The following MED27 variants were observed in gnomAD, a reference collection of about 807,000 sequenced individuals.
MED27 encodes the protein mediator of RNA polymerase II transcription subunit 27.
Under a neutral mutation model 38.2 loss-of-function variants are expected in MED27, and 30 were observed. The observed-to-expected ratio is 0.79, with a 90% CI of 0.59 to 1.07. The LOEUF is 1.07. MED27 is among the 50% of genes least tolerant of loss of function. The pLI is 0.00. For missense variants in MED27, 289 were observed against 397.5 expected, an observed-to-expected ratio of 0.73 and a Z score of 2.32; for synonymous variants, 122 against 153.5, an observed-to-expected ratio of 0.79 and a Z score of 1.52.
At chr9:131,954,462 C>T (rs1206718652) in intron 3 of MED27, among the ~76,000 whole-genome samples, 2 of 152,160 alleles carry the variant, frequency 1.3e-5, no homozygotes, top group African/African-American at 2.4e-5. Context: ...TGGATTGATG[C>T]TTGCAATGCC....
At chr9:132,067,954 C>T (rs1013241945) in intron 2 of MED27, among the ~76,000 whole-genome samples, 12 of 152,132 alleles carry the variant, frequency 7.9e-5, no homozygotes, top group South Asian at 2.1e-4. Context: ...CCTCGTGATC[C>T]GCCCACCTCG....
At chr9:132,036,039 T>G (rs535863566) in intron 2 of MED27, among the ~76,000 whole-genome samples, 1 of 152,086 alleles carries the variant, frequency 6.6e-6, no homozygotes, top group African/African-American at 2.4e-5. Context: ...AATCCCATTC[T>G]GGTGCTGGGT....
chr9:132,054,007 T>C (rs896795130), intron 2 of MED27, among the ~76,000 whole-genome samples: 2 of 151,130 alleles, frequency 1.3e-5, no homozygotes, highest in African/African-American at 4.9e-5. Flanking sequence ...AAAAAAAAAA[T>C]CTGCTTAAAA....
chr9:132,006,741 T>A (rs1386532729), intron 3 of MED27, among the ~76,000 whole-genome samples: 1 of 152,070 alleles, frequency 6.6e-6, no homozygotes, highest in Non-Finnish European at 1.5e-5. Context: ...AAGAGACTTG[T>A]TTAATGAGCT....
intron 3 of MED27, among the ~76,000 whole-genome samples, chr9:131,948,512 A>C (rs1388305624): frequency 1.3e-5 from 2 of 152,022 alleles, no homozygotes; most frequent in African/African-American, 4.8e-5. Context: ...CAAAAAAAAA[A>C]AACAAAAAAC....
At chr9:132,058,515 A>C (rs975605502) in intron 2 of MED27, among the ~76,000 whole-genome samples, 8 of 151,800 alleles carry the variant, frequency 5.3e-5, no homozygotes, top group African/African-American at 1.5e-4. Context: ...TTTGCTCAGC[A>C]CTTCTCTCTC....
At chr9:131,978,477 GT>G (rs910557555) in intron 3 of MED27, among the ~76,000 whole-genome samples, 3 of 152,120 alleles carry the variant, frequency 2.0e-5, no homozygotes, top group Non-Finnish European at 4.4e-5. Context: ...TAGTATTATG[GT>G]TTTGTTTCTT....
intron 3 of MED27, among the ~76,000 whole-genome samples, chr9:131,995,367 C>A (rs959249751): frequency 6.6e-6 from 1 of 151,984 alleles, no homozygotes; most frequent in Admixed American, 6.6e-5. Flanking sequence ...ACAGCATGGA[C>A]TTGCACTTAT....
chr9:131,904,554 T>C (rs1830018359), intron 4 of MED27, among the ~76,000 whole-genome samples: 1 of 151,352 alleles, frequency 6.6e-6, no homozygotes, highest in African/African-American at 2.4e-5. Flanking sequence ...GGGAGCGGTC[T>C]CACTATGTTG....
Position 131,889,940 on chromosome 9 carries a change from C to A in MED27, c.681+3945G>T, listed in dbSNP as rs762087904. 1.3e-5 allele frequency among the ~76,000 whole-genome samples: 2 copies of A among 152,150 alleles called. No homozygotes were observed. On this transcript the variant is annotated intron_variant, in intron 5 of 7. Coordinates refer to ENST00000292035, the MANE Select transcript of MED27 (RefSeq NM_004269.4). The surrounding 1 kb of genome is among the most constrained non-coding windows in gnomAD (Gnocchi z 4.2). ...AACTCAGCAAACGCAGGCTGCGTCC[C>A]GGGAGCAGCGACGTCTCCAGCAACA... is the stretch of plus-strand genomic sequence containing the variant.
chr9:131,883,733 T>C lies in MED27; in HGVS notation c.723+325A>G, dbSNP rs1338924048. ...ATATGACTGCCCCTTTGTAGTAATA[T>C]AGTCCTGAGTTTTGACAAACATGTA... is the stretch of plus-strand genomic sequence containing the variant. On this transcript the variant is annotated intron_variant, in intron 6 of 7. Coordinates refer to ENST00000292035, the MANE Select transcript of MED27 (RefSeq NM_004269.4). This position sits in a 1 kb window ranked among gnomAD's most constrained non-coding sequence, Gnocchi z 4.2. 6.6e-6 allele frequency among the ~76,000 whole-genome samples: 1 copy of C among 152,208 alleles called. No homozygotes were observed. Among genetic ancestry groups the C allele is most frequent in the Non-Finnish European group, 1.5e-5 (1 of 68,034 alleles).
chr9:131,937,978 T>G (rs1224897450), intron 4 of MED27, among the ~76,000 whole-genome samples: 1 of 152,210 alleles, frequency 6.6e-6, no homozygotes, highest in South Asian at 2.1e-4. Flanking sequence ...GTTTCCCTTT[T>G]CTATGAAAAA....
chr9:131,972,540 T>A (rs928035857), intron 3 of MED27, among the ~76,000 whole-genome samples: 5 of 152,210 alleles, frequency 3.3e-5, no homozygotes, highest in African/African-American at 1.2e-4. Context: ...CAGCCCTGTA[T>A]ACATTCACGT....
At chr9:131,923,435 T>C (rs1830431946) in intron 4 of MED27, among the ~76,000 whole-genome samples, 1 of 152,208 alleles carries the variant, frequency 6.6e-6, no homozygotes, top group Non-Finnish European at 1.5e-5. Context: ...AGTTCACAGT[T>C]ATTATAATCC....
intron 4 of MED27, among the ~76,000 whole-genome samples, chr9:131,902,592 C>A (rs546836272): frequency 6.6e-6 from 1 of 152,090 alleles, no homozygotes; most frequent in African/African-American, 2.4e-5. Flanking sequence ...AAGCTAAAAC[C>A]GATGTTCTTC....
intron 3 of MED27, among the ~76,000 whole-genome samples, chr9:131,986,777 C>T (rs552179618): frequency 6.6e-6 from 1 of 152,284 alleles, no homozygotes; most frequent in Admixed American, 6.5e-5. Flanking sequence ...TTGGCCTTGG[C>T]TGTTTATTTA....
chr9:131,987,413 T>G (rs774401818), intron 3 of MED27, among the ~76,000 whole-genome samples: 4 of 152,140 alleles, frequency 2.6e-5, no homozygotes, highest in Non-Finnish European at 5.9e-5. Flanking sequence ...CGGAGTCATT[T>G]ACTCAATGCG....
At position 131,863,392 on chromosome 9, in the gene MED27, A is replaced by G. The variant is rs1290933751; in HGVS notation, c.724-252T>C. Among the ~76,000 whole-genome samples the G allele has an allele frequency of 2.6e-5, 4 of 152,184 alleles. 1 individual carries two copies. Among genetic ancestry groups the G allele is most frequent in the Non-Finnish European group, 5.9e-5 (4 of 68,022 alleles). ...GCGTGTGGAAGATTCCAGCAACGGA[A>G]AGCCTGGCCAGGCTGGAGCACTGGC... On this transcript the variant is annotated intron_variant, in intron 6 of 7. Coordinates refer to ENST00000292035, the MANE Select transcript of MED27 (RefSeq NM_004269.4).
At chr9:131,879,082 G>T (rs1264548769) in intron 6 of MED27, among the ~76,000 whole-genome samples, 5 of 152,364 alleles carry the variant, frequency 3.3e-5, no homozygotes, top group Admixed American at 2.6e-4. Context: ...GCAGACAAAA[G>T]GAAGGCAGAA....
Sources: gnomAD v4.1 joint callset for allele counts (sites outside exome capture counted in the v4.1 genomes callset) on GRCh38, gnomAD v4.1.1 for gene constraint, Gnocchi (gnomAD v3.1) non-coding constraint, MANE v1.5 for transcripts, NCBI Gene and HGNC (gene_info 2026-07-23, HGNC 2026-07-21) for gene names.